TJP3: variants seen among roughly 807,000 people sequenced by gnomAD.
TJP3 encodes tight junction protein ZO-3.
In TJP3, 85 loss-of-function variants were observed where a neutral mutation model predicts 104.2. That is an observed-to-expected ratio of 0.82 (90% CI 0.68 to 0.98). TJP3 has a LOEUF of 0.98. Among genes scored for constraint, TJP3 ranks in the 50% least tolerant of loss-of-function variants. The pLI, the probability that TJP3 is intolerant of heterozygous loss-of-function variation, is 0.00. For synonymous variants in TJP3, 550 were observed against 550.6 expected (o/e 1.00, Z 0.02); for missense variants, 1,367 against 1,322.8 (o/e 1.03, Z -0.52).
chr19:3,749,863 A>G (rs1045080653), intron 19 of TJP3, among the ~76,000 whole-genome samples: 1 of 152,238 alleles, frequency 6.6e-6, no homozygotes, highest in African/African-American at 2.4e-5. Context: ...CTTTACGTAC[A>G]TGAACTCATG....
chr19:3,732,253 T>TC (rs1336239891), intron 6 of TJP3, among the ~76,000 whole-genome samples: 1 of 152,018 alleles, frequency 6.6e-6, no homozygotes, highest in Non-Finnish European at 1.5e-5. Context: ...GTTTCTAGTA[T>TC]CCCCATGGGG....
At chr19:3,710,959 G>C (rs1304200088) in intron 1 of TJP3, among the ~76,000 whole-genome samples, 1 of 151,204 alleles carries the variant, frequency 6.6e-6, no homozygotes. Context: ...GCTGGAGTGC[G>C]GTGGCGCGAT....
intron 6 of TJP3, among the ~76,000 whole-genome samples, chr19:3,732,541 G>A (rs997533610): frequency 8.1e-5 from 12 of 148,966 alleles, no homozygotes; most frequent in African/African-American, 2.0e-4. Flanking sequence ...ACAGAGTCTC[G>A]CTCTGTCACC....
chr19:3,729,425 G>C (rs978138663), intron 3 of TJP3, among the ~76,000 whole-genome samples: 2 of 152,164 alleles, frequency 1.3e-5, no homozygotes, highest in African/African-American at 4.8e-5. Flanking sequence ...GAGAGGGAAA[G>C]AAAAGCAGAA....
Position 3,740,639 on chromosome 19 carries a change from G to A in TJP3, c.1719G>A (p.Glu573=), listed in dbSNP as rs758425011. 1 of 1,601,002 alleles carries A rather than the reference G, an allele frequency of 6.2e-7. No homozygotes were observed. Among genetic ancestry groups the A allele is most frequent in the East Asian group, 2.3e-5 (1 of 44,402 alleles). The change falls in exon 14 of 21, where the codon GAG becomes GAA. Residue 573 remains glutamate (E), a synonymous_variant. Coordinates refer to ENST00000541714, the MANE Select transcript of TJP3 (RefSeq NM_001267560.2). ...GSSAGSNARA[E]FWRLRGLRRG... Reference sequence around the variant, plus strand: ...CCGCGGGCTCCAATGCTCGGGCCGAGTTCTGGCGGCTGCGGGGTCTTCGTC... The same window carrying A: ...CCGCGGGCTCCAATGCTCGGGCCGAATTCTGGCGGCTGCGGGGTCTTCGTC...
intron 13 of TJP3, among the ~76,000 whole-genome samples, chr19:3,740,007 GCA>G (rs2036791276): frequency 6.6e-6 from 1 of 152,146 alleles, no homozygotes; most frequent in Non-Finnish European, 1.5e-5. Flanking sequence ...GCTGAGGCGG[GCA>G]GATCACGAGG....
chr19:3,721,225 A>G (rs73525306), intron 1 of TJP3, among the ~76,000 whole-genome samples: 37,426 of 151,766 alleles, frequency 0.25, 5,094 homozygotes, highest in East Asian at 0.48. Flanking sequence ...TCTTTTCTGG[A>G]TGCTGGGTGT....
At position 3,730,420 on chromosome 19, in the gene TJP3, C is replaced by A; in HGVS notation, c.327C>A (p.Arg109=). The change falls in exon 5 of 21, where the codon CGC becomes CGA. Residue 109 remains arginine, a synonymous_variant. Coordinates refer to ENST00000541714, the MANE Select transcript of TJP3 (RefSeq NM_001267560.2). The surrounding 1 kb of genome is among the most constrained non-coding windows in gnomAD (Gnocchi z 7.3). ...AAGCCAGCCCCTCCAGCCCAGGGCGCCAGGACTCGGATGAAGACGATGGGC... is the reference window on the plus strand; with the variant it reads ...AAGCCAGCCCCTCCAGCCCAGGGCGACAGGACTCGGATGAAGACGATGGGC... The part of the protein sequence containing the change: ...ATKASPSSPG[R]QDSDEDDGPQ... The A allele has an allele frequency of 6.3e-7, 1 of 1,588,250 alleles. No homozygotes were observed. The highest frequency in any genetic ancestry group is 8.6e-7 in the Non-Finnish European group (1 of 1,168,428).
intron 6 of TJP3, among the ~76,000 whole-genome samples, chr19:3,732,668 C>T (rs1231595052): frequency 6.6e-6 from 1 of 152,114 alleles, no homozygotes; most frequent in African/African-American, 2.4e-5. Flanking sequence ...CGCCACCACA[C>T]CCAGCTAATG....
intron 1 of TJP3, among the ~76,000 whole-genome samples, chr19:3,710,730 G>C (rs2036426138): frequency 6.6e-6 from 1 of 152,024 alleles, no homozygotes; most frequent in Non-Finnish European, 1.5e-5. Context: ...GTATGCGCGA[G>C]TGTGGGGTCA....
intron 11 of TJP3, 49 bp downstream of exon 11, chr19:3,736,370 T>G: frequency 1.4e-6 from 2 of 1,464,050 alleles, no homozygotes; most frequent in Non-Finnish European, 9.0e-7. Context: ...GCGTGCAGTG[T>G]GCTAGGTCCT....
chr19:3,750,084 G>T (rs201207259), intron 19 of TJP3, 54 bp from the exon 20 acceptor site: 49 of 1,611,460 alleles, frequency 3.0e-5, no homozygotes, highest in South Asian at 2.2e-4. Flanking sequence ...TATTGATCTC[G>T]ACTCACCATG....
In TJP3 at chr19:3,747,594, G is replaced by C. The variant is rs1023834225; in HGVS notation, c.2323-200G>C. The stretch of plus-strand genomic sequence containing the variant: ...GGAGTCAAGGTTTGGGGCTCAGCTT[G>C]GATTTGGGGGCTGAGCCTCTCAGGT... On this transcript the variant is annotated intron_variant, in intron 18 of 20. Transcript: ENST00000541714. Among the ~76,000 whole-genome samples the C allele has an allele frequency of 2.6e-5, 4 of 152,222 alleles. No homozygotes were observed. In the East Asian group the frequency reaches 5.8e-4, roughly 22 times the overall value.
rs2036981994 is a variant in TJP3 at position 3,750,637 on chromosome 19, T to C, written c.2713T>C (p.Ser905Pro). ...KKFMRVHDAESSDEDGYDWGP... is the reference protein window; with the variant it reads ...KKFMRVHDAEPSDEDGYDWGP... Reference sequence around the variant, plus strand: ...GTTTATGCGAGTACATGATGCGGAGTCCTCCGATGAAGACGGCTATGACTG... The same window carrying C: ...GTTTATGCGAGTACATGATGCGGAGCCCTCCGATGAAGACGGCTATGACTG... The change falls in exon 21 of 21, where the codon TCC becomes CCC. Residue 905 changes from serine (S) to proline (P), a missense_variant. Physicochemically the swap from Ser to Pro is moderately conservative, Grantham distance 74. Coordinates refer to ENST00000541714, the MANE Select transcript of TJP3 (RefSeq NM_001267560.2). The C allele has an allele frequency of 6.2e-7, 1 of 1,608,660 alleles. No individual in the cohort carries two copies. Among genetic ancestry groups the C allele is most frequent in the South Asian group, 1.1e-5 (1 of 89,960 alleles).
chr19:3,728,245 A>G, intron 1 of TJP3, 179 bp from the exon 2 acceptor site: 1 of 1,024,482 alleles, frequency 9.8e-7, no homozygotes, highest in Non-Finnish European at 1.4e-6. Context: ...GTCTCAAAAA[A>G]TGAAACAAAA....
chr19:3,730,154 G>A lies in TJP3; in HGVS notation c.261+24G>A, dbSNP rs1351954647. On this transcript the variant is annotated intron_variant, in intron 4 of 20. Coordinates refer to ENST00000541714, the MANE Select transcript of TJP3 (RefSeq NM_001267560.2). The surrounding 1 kb of genome is among the most constrained non-coding windows in gnomAD (Gnocchi z 7.3). Reference sequence around the variant, plus strand: ...TCGTGAGTAGGCAGCCCCTGGCATGGCCAGCATCTCTGACCCCAGCCTGGG... The same window carrying A: ...TCGTGAGTAGGCAGCCCCTGGCATGACCAGCATCTCTGACCCCAGCCTGGG... 1 of 1,609,622 alleles carries A rather than the reference G, an allele frequency of 6.2e-7. No homozygotes were observed. Among genetic ancestry groups the A allele is most frequent in the East Asian group, 2.2e-5 (1 of 44,858 alleles).
chr19:3,734,380 CCACCACCCCGGCATG>C lies in TJP3; in HGVS notation c.933_947del (p.Pro312_Ala316del). ...GCAGGCACCACCATCCCACATCCCACCACCACCCCGGCATGCTCAGCGGAGCCCCGAGGCCAGCCA... is the reference window on the plus strand; with the variant it reads ...GCAGGCACCACCATCCCACATCCCACCTCAGCGGAGCCCCGAGGCCAGCCA... On this transcript the variant is annotated inframe_deletion, in exon 8 of 21. Transcript: ENST00000541714. 6.2e-7 allele frequency: 1 copy of C among 1,613,542 alleles called. No homozygotes were observed.
chr19:3,724,248 T>G (rs1035098790), intron 1 of TJP3, among the ~76,000 whole-genome samples: 3 of 151,504 alleles, frequency 2.0e-5, no homozygotes, highest in African/African-American at 7.3e-5. Context: ...CAGGCTGGAG[T>G]GCAGTGGCAC....
chr19:3,723,139 A>G (rs1471747000), intron 1 of TJP3, among the ~76,000 whole-genome samples: 1 of 152,162 alleles, frequency 6.6e-6, no homozygotes, highest in African/African-American at 2.4e-5. Flanking sequence ...GCCTGGTCCT[A>G]TGGGGTCCCA....
Sources: gnomAD v4.1 joint callset for allele counts (sites outside exome capture counted in the v4.1 genomes callset) on GRCh38, gnomAD v4.1.1 for gene constraint, Gnocchi (gnomAD v3.1) non-coding constraint, MANE v1.5 for transcripts, NCBI Gene and HGNC (gene_info 2026-07-23, HGNC 2026-07-21) for gene names.